PHC3: variants seen among roughly 807,000 people sequenced by gnomAD.
The protein encoded by PHC3 is polyhomeotic-like protein 3.
Under a neutral mutation model 107.4 loss-of-function variants are expected in PHC3, and 13 were observed. The ratio of observed to expected loss-of-function variants is 0.12; its 90% CI spans 0.08 to 0.19. The LOEUF (loss-of-function observed/expected upper bound fraction) is 0.19. PHC3 is among the 10% of genes least tolerant of loss of function. The pLI is 1.00. For missense variants in PHC3, 992 were observed against 1,210.9 expected, an observed-to-expected ratio of 0.82 and a Z score of 2.68; for synonymous variants, 456 against 427.4, an observed-to-expected ratio of 1.07 and a Z score of -0.83.
At chr3:170,153,486 G>A (rs938728227) in intron 4 of PHC3, among the ~76,000 whole-genome samples, 6 of 151,994 alleles carry the variant, frequency 3.9e-5, no homozygotes, top group South Asian at 2.1e-4. Context: ...TTCTGAGGCC[G>A]GGCGCGGTGG....
intron 2 of PHC3, among the ~76,000 whole-genome samples, chr3:170,177,718 T>TGGAGTACA (rs1412369987): frequency 7.1e-6 from 1 of 141,042 alleles, no homozygotes; most frequent in East Asian, 2.2e-4. Context: ...TCACCTAGAC[T>TGGAGTACA]GGAGTACAGT....
At chr3:170,126,158 C>T (rs893602003) in intron 8 of PHC3, among the ~76,000 whole-genome samples, 2 of 152,052 alleles carry the variant, frequency 1.3e-5, no homozygotes, top group Admixed American at 6.5e-5. Flanking sequence ...TTCCACATCT[C>T]TTAAAAAATA....
At chr3:170,174,171 C>T (rs182905078) in intron 2 of PHC3, among the ~76,000 whole-genome samples, 28 of 151,180 alleles carry the variant, frequency 1.9e-4, no homozygotes, top group African/African-American at 6.8e-4. Context: ...CCAGCCTAGA[C>T]GACAGAGCAA....
chr3:170,154,120 C>T (rs765123923), intron 4 of PHC3, among the ~76,000 whole-genome samples: 3 of 152,198 alleles, frequency 2.0e-5, no homozygotes, highest in Non-Finnish European at 4.4e-5. Context: ...TCTATCTCAT[C>T]CTTCTAAATA....
chr3:170,102,052 T>TA (rs555603935), intron 14 of PHC3: 83 of 817,268 alleles, frequency 1.0e-4, no homozygotes, highest in Middle Eastern at 6.2e-4. Flanking sequence ...TTCAAAAATG[T>TA]AAAAAAAAGA....
At position 170,181,690 on chromosome 3, in the gene PHC3, C is replaced by A. The variant is rs756180917; in HGVS notation, c.14+12G>T. Reference sequence around the variant, plus strand: ...CCCTAGTTACGACATCAGTCACCATCTAGTCACTCACTCCGCTTCCGCCAT... The same window carrying A: ...CCCTAGTTACGACATCAGTCACCATATAGTCACTCACTCCGCTTCCGCCAT... On this transcript the variant is annotated intron_variant, in intron 1 of 14. Coordinates refer to ENST00000495893, the MANE Select transcript of PHC3 (RefSeq NM_024947.4). 5 of 1,613,452 alleles carry A rather than the reference C, an allele frequency of 3.1e-6. No homozygotes were observed. The highest frequency in any genetic ancestry group is 3.4e-6 in the Non-Finnish European group (4 of 1,179,822).
At chr3:170,125,157 A>G (rs1041324132) in intron 8 of PHC3, among the ~76,000 whole-genome samples, 1 of 152,168 alleles carries the variant, frequency 6.6e-6, no homozygotes, top group African/African-American at 2.4e-5. Context: ...TCTGTGCCTC[A>G]TGCCTGAATC....
chr3:170,111,196 T>C (rs773007571), intron 11 of PHC3, among the ~76,000 whole-genome samples: 2 of 151,770 alleles, frequency 1.3e-5, no homozygotes. Context: ...TAAGGAAATG[T>C]GTATTATTTT....
At chr3:170,140,010 G>A (rs910798129) in intron 6 of PHC3, among the ~76,000 whole-genome samples, 9 of 151,918 alleles carry the variant, frequency 5.9e-5, no homozygotes, top group African/African-American at 2.2e-4. Context: ...CACTGTTATA[G>A]AGGGCTTCCC....
rs187984153 is a variant in PHC3, at chr3:170,174,472, G to A, written c.181-1760C>T. On this transcript the variant is annotated intron_variant, in intron 2 of 14. Transcript: ENST00000495893. ...GAAAATTCTTACATTTCTCCAAAAG[G>A]TTAAGTCAGAATAAGTCAATCCTAT... is the stretch of plus-strand genomic sequence containing the variant. Among the ~76,000 whole-genome samples, 18 of 152,216 alleles carry A rather than the reference G, an allele frequency of 1.2e-4. No individual in the cohort carries two copies. The East Asian group carries it at 2.9e-3, about 24-fold the overall frequency.
chr3:170,122,955 C>CA (rs1577058766), intron 8 of PHC3, among the ~76,000 whole-genome samples: 1 of 152,160 alleles, frequency 6.6e-6, no homozygotes, highest in East Asian at 1.9e-4. Context: ...AGCTGTGGAT[C>CA]AGTATCTAGA....
intron 4 of PHC3, among the ~76,000 whole-genome samples, chr3:170,165,812 C>T (rs1356872102): frequency 1.4e-5 from 2 of 141,338 alleles, no homozygotes; most frequent in East Asian, 4.3e-4. Context: ...CATAAAAATG[C>T]TTCAAAGAAG....
At chr3:170,107,070 A>C in intron 11 of PHC3, 124 bp from the exon 12 acceptor site, 3 of 563,950 alleles carry the variant, frequency 5.3e-6, no homozygotes, top group East Asian at 3.0e-5. Flanking sequence ...TTCAATCCAC[A>C]GCCACTCTGG....
chr3:170,148,980 A>C, intron 5 of PHC3, 106 bp downstream of exon 5: 1 of 1,193,044 alleles, frequency 8.4e-7, no homozygotes, highest in East Asian at 2.6e-5. Context: ...ACACACAATT[A>C]AACATTTCTT....
intron 12 of PHC3, among the ~76,000 whole-genome samples, 182 bp downstream of exon 12, chr3:170,106,650 C>G (rs375425122): frequency 6.6e-6 from 1 of 152,072 alleles, no homozygotes; most frequent in Non-Finnish European, 1.5e-5. Context: ...TAACTAAATA[C>G]TAGGTGGCTC....
intron 7 of PHC3, among the ~76,000 whole-genome samples, chr3:170,135,613 A>T (rs1340692512): frequency 2.6e-5 from 4 of 152,150 alleles, no homozygotes; most frequent in African/African-American, 9.7e-5. Flanking sequence ...ACAAAGGAAA[A>T]GGTCTAGCAT....
At chr3:170,174,981 T>C (rs1018067948) in intron 2 of PHC3, among the ~76,000 whole-genome samples, 1 of 152,228 alleles carries the variant, frequency 6.6e-6, no homozygotes, top group African/African-American at 2.4e-5. Context: ...TGACACATAC[T>C]TTTGTCAGAG....
rs1413622126 is a variant in PHC3, at chr3:170,129,146, G to A, written c.1326C>T (p.Leu442=). The change falls in exon 8 of 15, where the codon CTC becomes CTT. Residue 442 remains leucine, a synonymous_variant. Transcript: ENST00000495893. ...IQPHPLVSSA[L]QPGPNLQQST... ...ACTGCTGCAAATTTGGCCCTGGCTGGAGAGCTGATGACACAAGAGGGTGTG... is the reference window on the plus strand; with the variant it reads ...ACTGCTGCAAATTTGGCCCTGGCTGAAGAGCTGATGACACAAGAGGGTGTG... 6.2e-7 allele frequency: 1 copy of A among 1,613,900 alleles called. No homozygotes were observed. The highest frequency in any genetic ancestry group is 1.3e-5 in the African/African-American group (1 of 75,058).
intron 14 of PHC3, among the ~76,000 whole-genome samples, chr3:170,098,722 C>G (rs1352204): frequency 6.6e-6 from 1 of 151,890 alleles, no homozygotes; most frequent in African/African-American, 2.4e-5. Context: ...TCTTTTCTCA[C>G]GTCCTCTGTT....
Sources: gnomAD v4.1 joint callset for allele counts (sites outside exome capture counted in the v4.1 genomes callset) on GRCh38, gnomAD v4.1.1 for gene constraint, MANE v1.5 for transcripts, NCBI Gene and HGNC (gene_info 2026-07-23, HGNC 2026-07-21) for gene names.